The following RARRES1 variants were observed in gnomAD, a reference collection of about 807,000 sequenced individuals.
The protein encoded by RARRES1 is retinoic acid receptor responder protein 1.
A neutral mutation model predicts 30.6 loss-of-function variants in RARRES1; 34 were observed. That is an observed-to-expected ratio of 1.11 (90% CI 0.84 to 1.48). The LOEUF is 1.48. Ranked by LOEUF, RARRES1 falls within the 40% of genes most tolerant of loss-of-function variation. RARRES1 has a pLI of 0.00. For synonymous variants in RARRES1, 153 were observed against 155.5 expected (o/e 0.98, Z 0.12); for missense variants, 373 against 386.5 (o/e 0.97, Z 0.29).
chr3:158,722,827 A>C (rs1034192603), intron 1 of RARRES1, among the ~76,000 whole-genome samples: 6 of 148,598 alleles, frequency 4.0e-5, no homozygotes, highest in African/African-American at 1.2e-4. Context: ...GCTTGCAGTG[A>C]GCCAAGATCG....
chr3:158,728,900 C>T (rs1397989128), intron 1 of RARRES1, among the ~76,000 whole-genome samples: 4 of 152,128 alleles, frequency 2.6e-5, no homozygotes, highest in Admixed American at 6.5e-5. Context: ...ACTGAAAGCT[C>T]CATGTAGGTG....
intron 2 of RARRES1, among the ~76,000 whole-genome samples, chr3:158,712,349 G>A (rs1180725020): frequency 1.3e-5 from 2 of 152,102 alleles, no homozygotes; most frequent in Admixed American, 1.3e-4. Context: ...CATGATCATC[G>A]CACTTCCCTC....
At chr3:158,698,009 G>T in intron 4 of RARRES1, 39 bp from the exon 5 acceptor site, 1 of 1,333,466 alleles carries the variant, frequency 7.5e-7, no homozygotes, top group South Asian at 1.3e-5. Context: ...TAAATATGGT[G>T]GTATTTAGTG....
intron 4 of RARRES1, among the ~76,000 whole-genome samples, chr3:158,702,221 G>A (rs1726757935): frequency 6.6e-6 from 1 of 152,034 alleles, no homozygotes; most frequent in Non-Finnish European, 1.5e-5. Context: ...TGTATTTTTA[G>A]TAGAGACAGG....
At chr3:158,713,553 G>C (rs1727215371) in intron 2 of RARRES1, among the ~76,000 whole-genome samples, 1 of 152,160 alleles carries the variant, frequency 6.6e-6, no homozygotes, top group Non-Finnish European at 1.5e-5. Context: ...CCAAGGAAGA[G>C]GGAGGTGATC....
At chr3:158,719,782 G>C (rs1368224696) in intron 1 of RARRES1, among the ~76,000 whole-genome samples, 5 of 152,082 alleles carry the variant, frequency 3.3e-5, no homozygotes, top group Non-Finnish European at 5.9e-5. Flanking sequence ...AGACCTGTTC[G>C]AGAGAATGTA....
intron 4 of RARRES1, among the ~76,000 whole-genome samples, chr3:158,704,210 CTTTTTTTTTTTTTTTTTTTTT>C (rs78169321): frequency 3.6e-5 from 3 of 82,808 alleles, no homozygotes; most frequent in African/African-American, 8.5e-5. Flanking sequence ...TATTGCAATA[CTTTTTTTTTTTTTTTTTTTTT>C]TTTTTTTTTT....
At chr3:158,706,565 G>T (rs369270356) in intron 3 of RARRES1, among the ~76,000 whole-genome samples, 9 of 152,224 alleles carry the variant, frequency 5.9e-5, no homozygotes, top group African/African-American at 2.2e-4. Context: ...TGTGGAAGAT[G>T]ACTTTGACTG....
chr3:158,704,764 A>C (rs771973934), intron 4 of RARRES1, 27 bp downstream of exon 4: 1 of 1,606,762 alleles, frequency 6.2e-7, no homozygotes, highest in Non-Finnish European at 8.5e-7. Context: ...CTCTTGTGGC[A>C]CAAGTTAATT....
Position 158,732,120 on chromosome 3 carries a change from G to A in RARRES1, c.276+20C>T. On this transcript the variant is annotated intron_variant, in intron 1 of 5. Transcript: ENST00000237696. ...CGCGGACAGGCAGGCGCGTGCCCCG[G>A]CGCGTCGCTCCGCACTCACCCACGC... 7.6e-7 allele frequency: 1 copy of A among 1,320,028 alleles called. No individual in the cohort carries two copies. Among genetic ancestry groups the A allele is most frequent in the South Asian group, 2.1e-5 (1 of 47,550 alleles). The allele number at this position is 1,320,028 out of a possible 1,614,324, so 81.8% of individuals were successfully genotyped here.
At chr3:158,718,018 G>A (rs1008880910) in intron 1 of RARRES1, among the ~76,000 whole-genome samples, 19 of 147,814 alleles carry the variant, frequency 1.3e-4, no homozygotes, top group Admixed American at 6.8e-4. Context: ...TTGCTCTGTC[G>A]CCCAGGCTGG....
chr3:158,717,182 T>C (rs1236565275), intron 1 of RARRES1, among the ~76,000 whole-genome samples: 1 of 152,186 alleles, frequency 6.6e-6, no homozygotes, highest in Admixed American at 6.5e-5. Context: ...TGATTTAAAA[T>C]GTTCTGTGAT....
At chr3:158,718,193 T>G (rs1455465941) in intron 1 of RARRES1, among the ~76,000 whole-genome samples, 1 of 152,122 alleles carries the variant, frequency 6.6e-6, no homozygotes, top group African/African-American at 2.4e-5. Context: ...TTAGCCAGGA[T>G]GGTCTTGATC....
intron 3 of RARRES1, among the ~76,000 whole-genome samples, chr3:158,706,145 CAG>C (rs2108134249): frequency 6.6e-6 from 1 of 152,280 alleles, no homozygotes; most frequent in South Asian, 2.1e-4. Flanking sequence ...AGTTTATACT[CAG>C]AGGTAATTCA....
rs1160972956 is a variant in RARRES1, at chr3:158,732,429, T to C, written c.-14A>G. 6.6e-7 allele frequency: 1 copy of C among 1,516,768 alleles called. No individual in the cohort carries two copies. The highest frequency in any genetic ancestry group is 8.8e-7 in the Non-Finnish European group (1 of 1,137,548). 94.0% of individuals were successfully genotyped at this position (1,516,768 alleles called of 1,614,324 possible). On this transcript the variant is annotated 5_prime_UTR_variant, in exon 1 of 6. Coordinates refer to ENST00000237696, the MANE Select transcript of RARRES1 (RefSeq NM_206963.2). ...GCGGGGCTGCATGGACGCAGGAAAGTTGGCTCGGCACCCGACAGACACGGG... is the reference window on the plus strand; with the variant it reads ...GCGGGGCTGCATGGACGCAGGAAAGCTGGCTCGGCACCCGACAGACACGGG...
chr3:158,727,319 C>G (rs1260412132), intron 1 of RARRES1, among the ~76,000 whole-genome samples: 3 of 152,246 alleles, frequency 2.0e-5, no homozygotes, highest in Non-Finnish European at 4.4e-5. Flanking sequence ...TAGCTCCCCT[C>G]TCCCCATATG....
intron 1 of RARRES1, among the ~76,000 whole-genome samples, chr3:158,724,782 C>T (rs1036915679): frequency 1.3e-5 from 2 of 152,008 alleles, no homozygotes; most frequent in African/African-American, 2.4e-5. Context: ...GGGATGACCA[C>T]GGATCACATA....
At chr3:158,705,445 C>CTT (rs199736122) in intron 3 of RARRES1, among the ~76,000 whole-genome samples, 8 of 147,700 alleles carry the variant, frequency 5.4e-5, no homozygotes, top group South Asian at 4.3e-4. Flanking sequence ...AGTTAAGAAG[C>CTT]TTTTTTTTTT....
chr3:158,712,824 T>G (rs888605785), intron 2 of RARRES1, among the ~76,000 whole-genome samples: 1 of 152,218 alleles, frequency 6.6e-6, no homozygotes, highest in East Asian at 1.9e-4. Context: ...TCTTAATGCA[T>G]CTACAGGATC....
Sources: gnomAD v4.1 joint callset for allele counts (sites outside exome capture counted in the v4.1 genomes callset) on GRCh38, gnomAD v4.1.1 for gene constraint, MANE v1.5 for transcripts, NCBI Gene and HGNC (gene_info 2026-07-23, HGNC 2026-07-21) for gene names.